Variants in MYRIP observed in about 807,000 individuals in gnomAD.
MYRIP encodes the protein myosin VIIA and Rab interacting protein.
A neutral mutation model predicts 98.0 loss-of-function variants in MYRIP; 49 were observed. The observed-to-expected ratio is 0.50, with a 90% confidence interval of 0.40 to 0.63. The LOEUF (loss-of-function observed/expected upper bound fraction) is 0.63. Ranked by LOEUF, MYRIP falls within the 30% of genes least tolerant of loss-of-function variation. MYRIP has a pLI of 0.00. For synonymous variants in MYRIP, 404 were observed against 409.5 expected (o/e 0.99, Z 0.16); for missense variants, 1,004 against 1,058.2 (o/e 0.95, Z 0.71).
chr3:39,840,115 T>G (rs906451288), intron 1 of MYRIP, among the ~76,000 whole-genome samples: 1 of 152,232 alleles, frequency 6.6e-6, no homozygotes, highest in Non-Finnish European at 1.5e-5. Flanking sequence ...TAAGTCTTTT[T>G]GTAGGTCTCT....
At chr3:39,919,748 G>A (rs191633100) in intron 2 of MYRIP, among the ~76,000 whole-genome samples, 2,448 of 150,684 alleles carry the variant, frequency 0.016, 73 homozygotes, top group African/African-American at 0.055. Context: ...GAGAGAGAGA[G>A]AAATTCATTG....
At chr3:40,033,563 A>G (rs1227930204) in intron 2 of MYRIP, among the ~76,000 whole-genome samples, 1 of 152,232 alleles carries the variant, frequency 6.6e-6, no homozygotes, top group African/African-American at 2.4e-5. Context: ...GCTCAATGAA[A>G]TAAAAGAGGA....
At chr3:40,000,468 T>G (rs1166046080) in intron 2 of MYRIP, among the ~76,000 whole-genome samples, 3 of 152,082 alleles carry the variant, frequency 2.0e-5, no homozygotes, top group Non-Finnish European at 4.4e-5. Flanking sequence ...AAAGTCAGAG[T>G]GTCAAGCCAA....
intron 3 of MYRIP, among the ~76,000 whole-genome samples, chr3:40,134,098 C>T (rs1040681777): frequency 1.7e-4 from 26 of 152,280 alleles, no homozygotes; most frequent in African/African-American, 6.0e-4. Context: ...TTGCCACACC[C>T]GGGAAGCGCA....
intron 1 of MYRIP, among the ~76,000 whole-genome samples, chr3:39,870,894 C>G (rs746743943): frequency 1.7e-4 from 26 of 152,156 alleles, no homozygotes; most frequent in Non-Finnish European, 2.6e-4. Flanking sequence ...GACGTAGTGA[C>G]TGATGAGTAG....
intron 3 of MYRIP, among the ~76,000 whole-genome samples, chr3:40,146,055 G>A (rs1171722761): frequency 6.6e-6 from 1 of 152,142 alleles, no homozygotes; most frequent in Admixed American, 6.5e-5. Context: ...AGGGGAAATA[G>A]ATAAACAAAT....
intron 2 of MYRIP, among the ~76,000 whole-genome samples, chr3:39,907,964 GAC>G (rs1488458257): frequency 6.6e-6 from 1 of 152,208 alleles, no homozygotes; most frequent in Non-Finnish European, 1.5e-5. Flanking sequence ...TTTTAAAAAT[GAC>G]TGTTAATTGT....
chr3:39,858,962 C>A (rs7631025), intron 1 of MYRIP, among the ~76,000 whole-genome samples: 2,660 of 152,010 alleles, frequency 0.017, 78 homozygotes, highest in African/African-American at 0.06. Context: ...AACAGCCTTA[C>A]TTTACACCTC....
intron 3 of MYRIP, among the ~76,000 whole-genome samples, chr3:40,136,161 T>C (rs1006462878): frequency 6.6e-6 from 1 of 152,062 alleles, no homozygotes; most frequent in Non-Finnish European, 1.5e-5. Context: ...GAGACAAACA[T>C]AGGCTCAAAA....
chr3:39,810,275 C>G (rs1184888212), intron 1 of MYRIP, among the ~76,000 whole-genome samples: 1 of 152,196 alleles, frequency 6.6e-6, no homozygotes. Flanking sequence ...GCGGGCGCAC[C>G]GGCGGGACGC....
chr3:39,860,844 G>A (rs1942448154), intron 1 of MYRIP, among the ~76,000 whole-genome samples: 1 of 152,224 alleles, frequency 6.6e-6, no homozygotes, highest in African/African-American at 2.4e-5. Context: ...GTGTAGGCAT[G>A]TATACCCCAC....
chr3:40,216,095 CA>C (rs1952111734), intron 11 of MYRIP, among the ~76,000 whole-genome samples: 1 of 152,120 alleles, frequency 6.6e-6, no homozygotes, highest in South Asian at 2.1e-4. Context: ...CCTCTTTAGG[CA>C]AAGATGGACT....
intron 2 of MYRIP, among the ~76,000 whole-genome samples, chr3:39,981,805 A>C (rs1945902901): frequency 6.6e-6 from 1 of 152,212 alleles, no homozygotes; most frequent in South Asian, 2.1e-4. Flanking sequence ...GGAGGTTAGC[A>C]CATATCAGCA....
chr3:39,880,961 T>A (rs1943143245), intron 1 of MYRIP, among the ~76,000 whole-genome samples: 1 of 152,144 alleles, frequency 6.6e-6, no homozygotes, highest in Non-Finnish European at 1.5e-5. Context: ...TTTCTATATC[T>A]CTTTTAACTT....
At chr3:40,112,263 C>T (rs1209932903) in intron 3 of MYRIP, among the ~76,000 whole-genome samples, 4 of 72,368 alleles carry the variant, frequency 5.5e-5, no homozygotes, top group East Asian at 3.3e-4. Context: ...GAGGCGGGGG[C>T]GGAGGAGGGA....
At chr3:39,995,179 C>T (rs1022560220) in intron 2 of MYRIP, among the ~76,000 whole-genome samples, 3 of 152,244 alleles carry the variant, frequency 2.0e-5, no homozygotes, top group African/African-American at 7.2e-5. Flanking sequence ...CGGAACAAAG[C>T]TGTAGGAGAA....
At chr3:40,127,620 C>A (rs1949549332) in intron 3 of MYRIP, among the ~76,000 whole-genome samples, 2 of 152,198 alleles carry the variant, frequency 1.3e-5, no homozygotes, top group Admixed American at 1.3e-4. Flanking sequence ...ATTTTCCCAC[C>A]CTTGTCTTTC....
chr3:39,959,452 T>C (rs1416758633), intron 2 of MYRIP, among the ~76,000 whole-genome samples: 1 of 151,958 alleles, frequency 6.6e-6, no homozygotes, highest in African/African-American at 2.4e-5. Flanking sequence ...ATATTCTCAC[T>C]CATAGGTGGG....
At position 40,259,638 on chromosome 3, in the gene MYRIP, C is replaced by G. The variant is rs546082111; in HGVS notation, c.*1472C>G. ...TTTGCTGCTATGTGCATTTCCAGATCTGATTTTCTGCTAACTTGTGTGCTA... is the reference window on the plus strand; with the variant it reads ...TTTGCTGCTATGTGCATTTCCAGATGTGATTTTCTGCTAACTTGTGTGCTA... On this transcript the variant is annotated 3_prime_UTR_variant, in exon 17 of 17. Transcript: ENST00000302541. 1 of 152,290 alleles carries G rather than the reference C, an allele frequency of 6.6e-6. No homozygotes were observed. Among genetic ancestry groups the G allele is most frequent in the Non-Finnish European group, 1.5e-5 (1 of 68,024 alleles). The allele number at this position is 152,290 out of a possible 1,614,324, so 9.4% of individuals were successfully genotyped here.
Sources: allele counts gnomAD v4.1 joint callset (sites outside exome capture counted in the v4.1 genomes callset), GRCh38; gene constraint gnomAD v4.1.1; transcripts MANE v1.5; gene names NCBI Gene and HGNC (gene_info 2026-07-23, HGNC 2026-07-21).